The following BPHL variants were observed in gnomAD, a reference collection of about 807,000 sequenced individuals.
BPHL encodes serine hydrolase BPHL.
In BPHL, 27 loss-of-function variants were observed where a neutral mutation model predicts 31.2. That is an observed-to-expected ratio of 0.87 (90% CI 0.64 to 1.19). BPHL has a LOEUF of 1.19. Ranked by LOEUF, BPHL falls within the 50% of genes most tolerant of loss-of-function variation. The pLI is 0.00. For synonymous variants in BPHL, 150 were observed against 146.8 expected (o/e 1.02, Z -0.16); for missense variants, 356 against 375.7 (o/e 0.95, Z 0.43).
chr6:3,130,962 C>T (rs1031973144), intron 4 of BPHL, among the ~76,000 whole-genome samples: 4 of 151,976 alleles, frequency 2.6e-5, no homozygotes, highest in African/African-American at 7.3e-5. Flanking sequence ...TAGGCCATTC[C>T]GCTCTGTGAA....
At chr6:3,150,331 G>A (rs1762487276) in intron 6 of BPHL, among the ~76,000 whole-genome samples, 1 of 152,196 alleles carries the variant, frequency 6.6e-6, no homozygotes, top group Non-Finnish European at 1.5e-5. Context: ...TCCAGGCGGG[G>A]CAGGAAAGGT....
At chr6:3,143,816 T>G (rs755673737) in intron 6 of BPHL, among the ~76,000 whole-genome samples, 2 of 152,248 alleles carry the variant, frequency 1.3e-5, no homozygotes, top group Non-Finnish European at 2.9e-5. Flanking sequence ...ACAGTGCTTC[T>G]GAGGAGGTGC....
At chr6:3,145,143 G>A (rs1486825643) in intron 6 of BPHL, among the ~76,000 whole-genome samples, 1 of 148,174 alleles carries the variant, frequency 6.7e-6, no homozygotes, top group Non-Finnish European at 1.5e-5. Flanking sequence ...CGGAGTGCTG[G>A]TTTGGGTCGA....
intron 6 of BPHL, among the ~76,000 whole-genome samples, chr6:3,141,080 T>C (rs1762160765): frequency 6.6e-6 from 1 of 152,208 alleles, no homozygotes; most frequent in Admixed American, 6.5e-5. Flanking sequence ...TCTCAGAGAA[T>C]TTTTAAAGGA....
At chr6:3,141,144 T>C (rs1035318281) in intron 6 of BPHL, among the ~76,000 whole-genome samples, 3 of 152,258 alleles carry the variant, frequency 2.0e-5, no homozygotes, top group Non-Finnish European at 4.4e-5. Flanking sequence ...ACCTTTATAA[T>C]TACTATATCC....
At chr6:3,141,240 C>T (rs1363662155) in intron 6 of BPHL, among the ~76,000 whole-genome samples, 1 of 152,192 alleles carries the variant, frequency 6.6e-6, no homozygotes, top group African/African-American at 2.4e-5. Context: ...ACCACTTCAA[C>T]CATGAATCAA....
chr6:3,139,600 A>T (rs1371078010), intron 5 of BPHL: 2 of 152,312 alleles, frequency 1.3e-5, no homozygotes, highest in African/African-American at 4.8e-5. Flanking sequence ...TCAGAGCTGC[A>T]GTGCCTTCCT....
intron 2 of BPHL, chr6:3,127,028 C>T: frequency 2.7e-6 from 1 of 372,468 alleles, no homozygotes; most frequent in Non-Finnish European, 4.8e-6. Context: ...GCCTCGGCCT[C>T]CCAAAGTGCT....
intron 4 of BPHL, 64 bp downstream of exon 4, chr6:3,129,262 C>G (rs529976169): frequency 1.4e-6 from 2 of 1,471,148 alleles, no homozygotes; most frequent in African/African-American, 2.8e-5. Context: ...CATCTCATCT[C>G]TTATTGTGGG....
At chr6:3,144,383 T>TTG (rs199560687) in intron 6 of BPHL, among the ~76,000 whole-genome samples, 11 of 27,804 alleles carry the variant, frequency 4.0e-4, no homozygotes, top group South Asian at 1.9e-3. Flanking sequence ...TTTTTTTTTT[T>TTG]TTTTTTTGTT....
At chr6:3,131,630 G>A (rs1015103370) in intron 4 of BPHL, among the ~76,000 whole-genome samples, 2 of 152,076 alleles carry the variant, frequency 1.3e-5, no homozygotes, top group African/African-American at 2.4e-5. Flanking sequence ...AGCAAAGTCC[G>A]TGCAGTTTGG....
At chr6:3,133,307 G>C (rs1761924801) in intron 4 of BPHL, among the ~76,000 whole-genome samples, 1 of 152,062 alleles carries the variant, frequency 6.6e-6, no homozygotes, top group African/African-American at 2.4e-5. Flanking sequence ...GCTCCCGCCA[G>C]CCTCGTTGGT....
chr6:3,123,687 G>GC lies in BPHL; in HGVS notation c.138_139insC (p.Asn47GlnfsTer30). On this transcript the variant is annotated frameshift_variant, in exon 2 of 7. Transcript: ENST00000380379. LOFTEE classifies it high-confidence loss of function. ...CGGTAACCTCTGCCAAAGTGGCTGT[G>GC]AATGGCGTTCAGCTGCATTACCAGC... The GC allele has an allele frequency of 6.2e-7, 1 of 1,613,846 alleles. No homozygotes were observed.
At chr6:3,130,932 G>A (rs767570025) in intron 4 of BPHL, among the ~76,000 whole-genome samples, 1 of 152,032 alleles carries the variant, frequency 6.6e-6, no homozygotes, top group African/African-American at 2.4e-5. Context: ...GCTCCTGCCT[G>A]GTATCCATCT....
intron 6 of BPHL, among the ~76,000 whole-genome samples, chr6:3,148,232 A>G (rs761332556): frequency 6.6e-6 from 1 of 152,156 alleles, no homozygotes; most frequent in Non-Finnish European, 1.5e-5. Context: ...GCAGCGAGGG[A>G]TCAGGCCTGG....
chr6:3,133,145 C>T (rs1318478236), intron 4 of BPHL, among the ~76,000 whole-genome samples: 1 of 152,208 alleles, frequency 6.6e-6, no homozygotes, highest in Non-Finnish European at 1.5e-5. Flanking sequence ...GATTCTCAGC[C>T]TGCTTGTCAA....
intron 4 of BPHL, among the ~76,000 whole-genome samples, chr6:3,137,105 T>G (rs1762033814): frequency 6.6e-6 from 1 of 152,004 alleles, no homozygotes; most frequent in African/African-American, 2.4e-5. Flanking sequence ...GTGTAGGCCC[T>G]GGGGTACAGT....
At chr6:3,138,411 C>T (rs1395824880) in intron 5 of BPHL, 1 of 159,860 alleles carries the variant, frequency 6.3e-6, no homozygotes, top group Non-Finnish European at 1.4e-5. Flanking sequence ...TATTTTCATA[C>T]AGCTGTTTAT....
At chr6:3,122,893 T>A (rs1761614896) in intron 1 of BPHL, among the ~76,000 whole-genome samples, 1 of 152,164 alleles carries the variant, frequency 6.6e-6, no homozygotes, top group African/African-American at 2.4e-5. Context: ...ACCAGTCTCA[T>A]CTTTGGGAAT....
Sources: gnomAD v4.1 joint callset for allele counts (sites outside exome capture counted in the v4.1 genomes callset) on GRCh38, gnomAD v4.1.1 for gene constraint, MANE v1.5 for transcripts, NCBI Gene and HGNC (gene_info 2026-07-23, HGNC 2026-07-21) for gene names.